Variants in PDZK1 observed in about 807,000 individuals in gnomAD.
The protein encoded by PDZK1 is Na(+)/H(+) exchange regulatory cofactor NHE-RF3.
In PDZK1, 23 loss-of-function variants were observed where a neutral mutation model predicts 38.1. The observed-to-expected ratio is 0.60, with a 90% CI of 0.43 to 0.85. The LOEUF (loss-of-function observed/expected upper bound fraction) is 0.85, where lower values mean the gene tolerates loss of function less well. PDZK1 is among the 40% of genes least tolerant of loss of function. PDZK1 has a pLI of 0.00. For missense variants in PDZK1, 297 were observed against 504.3 expected (o/e 0.59, Z 3.94); for synonymous variants, 98 against 186.2 (o/e 0.53, Z 3.86).
chr1:145,679,672 A>G (rs1553699942), intron 5 of PDZK1, among the ~76,000 whole-genome samples: 2 of 152,172 alleles, frequency 1.3e-5, no homozygotes, highest in Non-Finnish European at 2.9e-5. Flanking sequence ...TAATTACTGT[A>G]TCTTCTCCAA....
At position 145,686,104 on chromosome 1, in the gene PDZK1, C is replaced by T. The variant is rs587710811; in HGVS notation, c.460+373G>A. Among the ~76,000 whole-genome samples, 12 of 152,308 alleles carry T rather than the reference C, an allele frequency of 7.9e-5. No individual in the cohort carries two copies. In the East Asian group the frequency reaches 2.3e-3, roughly 29 times the overall value. ...CAAAAATAGCTATTATGAAGAATCT[C>T]ATTTTTCTTGCCTTTTATTCCTTAT... is the stretch of plus-strand genomic sequence containing the variant. On this transcript the variant is annotated intron_variant, in intron 3 of 8. Coordinates refer to ENST00000417171, the MANE Select transcript of PDZK1 (RefSeq NM_001201325.2).
intron 1 of PDZK1, among the ~76,000 whole-genome samples, chr1:145,703,985 C>T (rs1032232922): frequency 6.6e-6 from 1 of 152,136 alleles, no homozygotes; most frequent in Admixed American, 6.5e-5. Flanking sequence ...CCCGCCACCA[C>T]ACCCGGCTAC....
At chr1:145,689,138 C>T (rs587763551) in intron 1 of PDZK1, among the ~76,000 whole-genome samples, 95 of 152,326 alleles carry the variant, frequency 6.2e-4, no homozygotes, top group Non-Finnish European at 1.0e-3. Context: ...GGCTGCAGTG[C>T]AGTGGCGCAA....
intron 1 of PDZK1, among the ~76,000 whole-genome samples, chr1:145,696,436 A>C (rs1333580728): frequency 6.6e-6 from 1 of 152,198 alleles, no homozygotes; most frequent in Non-Finnish European, 1.5e-5. Flanking sequence ...GGAGACAGGA[A>C]CTTTAAAGAA....
chr1:145,706,650 G>C (rs1215063764), intron 1 of PDZK1, among the ~76,000 whole-genome samples: 1 of 152,122 alleles, frequency 6.6e-6, no homozygotes, highest in Non-Finnish European at 1.5e-5. Flanking sequence ...ACTACTAGTG[G>C]TTCCCAAACC....
chr1:145,681,378 G>A (rs1248110741), intron 4 of PDZK1, among the ~76,000 whole-genome samples: 1 of 148,376 alleles, frequency 6.7e-6, no homozygotes, highest in Admixed American at 6.6e-5. Context: ...TGCCTCCCGG[G>A]TTCACGCCAT....
At chr1:145,686,415 T>C in intron 3 of PDZK1, 62 bp downstream of exon 3, 1 of 1,525,198 alleles carries the variant, frequency 6.6e-7, no homozygotes, top group South Asian at 1.3e-5. Flanking sequence ...AGCATCTTTG[T>C]TCTGGAAGCC....
At chr1:145,673,365 A>G (rs1445420345) in intron 7 of PDZK1, among the ~76,000 whole-genome samples, 1 of 151,806 alleles carries the variant, frequency 6.6e-6, no homozygotes, top group Non-Finnish European at 1.5e-5. Context: ...AATGCACAGA[A>G]GCAAACAAAT....
chr1:145,688,415 G>A (rs1654980998), intron 1 of PDZK1, among the ~76,000 whole-genome samples: 1 of 152,040 alleles, frequency 6.6e-6, no homozygotes, highest in African/African-American at 2.4e-5. Flanking sequence ...AAGGAATCGA[G>A]GTTAAATCTG....
At chr1:145,703,837 T>C in intron 1 of PDZK1, among the ~76,000 whole-genome samples, 1 of 152,044 alleles carries the variant, frequency 6.6e-6, no homozygotes, top group East Asian at 1.9e-4. Context: ...TTTTTTTTTT[T>C]GGCCAGGAGG....
Position 145,672,677 on chromosome 1 carries a change from T to C in PDZK1, c.1506+53A>G, listed in dbSNP as rs1319721133. 8 of 1,605,430 alleles carry C rather than the reference T, an allele frequency of 5.0e-6. No homozygotes were observed. In the African/African-American group the frequency reaches 6.7e-5, roughly 13 times the overall value. On this transcript the variant is annotated intron_variant, in intron 8 of 8. Transcript: ENST00000417171. ...AGACATTAAATATACTCATAGGGAC[T>C]GTACCCATACTCTAGTAAATTAGAT... is the stretch of plus-strand genomic sequence containing the variant.
chr1:145,675,910 TGA>T (rs1458215640), intron 6 of PDZK1, among the ~76,000 whole-genome samples: 1 of 151,964 alleles, frequency 6.6e-6, no homozygotes, highest in Non-Finnish European at 1.5e-5. Flanking sequence ...CCCAGCTACT[TGA>T]GAGACTGAGG....
At chr1:145,692,317 C>G (rs1307190037) in intron 1 of PDZK1, among the ~76,000 whole-genome samples, 4 of 152,158 alleles carry the variant, frequency 2.6e-5, no homozygotes, top group Non-Finnish European at 4.4e-5. Flanking sequence ...TCAGCACCAC[C>G]CTCACCAACT....
chr1:145,702,825 G>A (rs587765976), intron 1 of PDZK1, among the ~76,000 whole-genome samples: 33 of 152,250 alleles, frequency 2.2e-4, no homozygotes, highest in East Asian at 5.8e-4. Context: ...CCCAAGAGGC[G>A]GAGCTTGCAG....
chr1:145,706,511 A>G (rs1656256841), intron 1 of PDZK1, among the ~76,000 whole-genome samples: 1 of 152,156 alleles, frequency 6.6e-6, no homozygotes, highest in Middle Eastern at 3.2e-3. Flanking sequence ...ATAAAGAAGA[A>G]TGTGTTTCTC....
At chr1:145,686,798 G>A in intron 2 of PDZK1, 72 bp from the exon 3 acceptor site, 1 of 718,206 alleles carries the variant, frequency 1.4e-6, no homozygotes, top group South Asian at 1.9e-5. Context: ...CTGACCATCT[G>A]GCTCAATATC....
chr1:145,697,290 G>T (rs1477754795), intron 1 of PDZK1, among the ~76,000 whole-genome samples: 1 of 151,982 alleles, frequency 6.6e-6, no homozygotes, highest in African/African-American at 2.4e-5. Flanking sequence ...TCACACCACT[G>T]CACTCTAGTC....
chr1:145,679,434 C>G (rs1240501486), intron 5 of PDZK1, among the ~76,000 whole-genome samples: 2 of 152,136 alleles, frequency 1.3e-5, no homozygotes, highest in African/African-American at 2.4e-5. Flanking sequence ...TACCATAATA[C>G]CTTACACATC....
intron 1 of PDZK1, among the ~76,000 whole-genome samples, chr1:145,696,374 C>T (rs1229905672): frequency 6.6e-6 from 1 of 152,118 alleles, no homozygotes; most frequent in African/African-American, 2.4e-5. Flanking sequence ...GATTTTTGCC[C>T]CCAACTTCCA....
Sources: allele counts gnomAD v4.1 joint callset (sites outside exome capture counted in the v4.1 genomes callset), GRCh38; gene constraint gnomAD v4.1.1; transcripts MANE v1.5; gene names NCBI Gene and HGNC (gene_info 2026-07-23, HGNC 2026-07-21).